Variants in PPP2CA observed in about 807,000 individuals in gnomAD.
PPP2CA encodes serine/threonine-protein phosphatase 2A catalytic subunit alpha isoform.
In PPP2CA, 5 loss-of-function variants were observed where a neutral mutation model predicts 38.8. That is an observed-to-expected ratio of 0.13 (90% CI 0.07 to 0.27). The LOEUF (loss-of-function observed/expected upper bound fraction) is 0.27. Among genes scored for constraint, PPP2CA ranks in the 10% least tolerant of loss-of-function variants. The pLI, the probability that PPP2CA is intolerant of heterozygous loss-of-function variation, is 1.00. For synonymous variants in PPP2CA, 152 were observed against 134.0 expected, an observed-to-expected ratio of 1.13 and a Z score of -0.93; for missense variants, 88 against 389.7, an observed-to-expected ratio of 0.23 and a Z score of 6.52.
intron 2 of PPP2CA, 21 bp downstream of exon 2, chr5:134,205,901 C>T: frequency 6.3e-7 from 1 of 1,597,924 alleles, no homozygotes; most frequent in Non-Finnish European, 8.6e-7. Flanking sequence ...TCAACATGCC[C>T]CAACATAAAA....
At chr5:134,204,319 C>T (rs1351098601) in intron 2 of PPP2CA, among the ~76,000 whole-genome samples, 2 of 152,224 alleles carry the variant, frequency 1.3e-5, no homozygotes, top group South Asian at 2.1e-4. Flanking sequence ...AAGGGAAAGG[C>T]GGAAGCCTGC....
At chr5:134,225,665 C>A in intron 1 of PPP2CA, 95 bp downstream of exon 1, 1 of 1,138,684 alleles carries the variant, frequency 8.8e-7, no homozygotes, top group Admixed American at 2.5e-5. Flanking sequence ...GGGCCCGGAC[C>A]GGCGGCCTCC....
chr5:134,205,767 G>A lies in PPP2CA; in HGVS notation c.312+155C>T, dbSNP rs913750921. ...CCATCCCCTTACTCAGAACGCAGAC[G>A]CCTATGATTTTTAAGTCCAAAACCT... is the stretch of plus-strand genomic sequence containing the variant. On this transcript the variant is annotated intron_variant, in intron 2 of 6. Coordinates refer to ENST00000481195, the MANE Select transcript of PPP2CA (RefSeq NM_002715.4). The A allele has an allele frequency of 1.7e-4, 104 of 617,068 alleles. 1 individual carries two copies. Among genetic ancestry groups the A allele is most frequent in the South Asian group, 1.3e-3 (67 of 50,752 alleles). The allele number at this position is 617,068 out of a possible 1,614,324, so 38.2% of individuals were successfully genotyped here.
intron 1 of PPP2CA, among the ~76,000 whole-genome samples, chr5:134,219,325 G>A (rs1292158504): frequency 1.3e-5 from 2 of 152,208 alleles, no homozygotes; most frequent in Admixed American, 6.5e-5. Context: ...ATTAAATACT[G>A]GTTCCAAAAT....
chr5:134,205,844 AAAT>A, intron 2 of PPP2CA, 75 bp downstream of exon 2: 1 of 1,266,460 alleles, frequency 7.9e-7, no homozygotes, highest in South Asian at 1.3e-5. Flanking sequence ...CAGATAGAGA[AAAT>A]AACTGGGGGA....
chr5:134,198,597 G>A (rs909403488), intron 6 of PPP2CA, among the ~76,000 whole-genome samples: 2 of 151,840 alleles, frequency 1.3e-5, no homozygotes, highest in East Asian at 1.9e-4. Flanking sequence ...ACGAAGTCTC[G>A]CTCTGTTGCC....
chr5:134,194,427 A>G lies in PPP2CA; in HGVS notation c.*3345T>C, dbSNP rs1327129689. 6.6e-6 allele frequency: 1 copy of G among 152,242 alleles called. No homozygotes were observed. Among genetic ancestry groups the G allele is most frequent in the Non-Finnish European group, 1.5e-5 (1 of 68,038 alleles). The allele number at this position is 152,242 out of a possible 1,614,324, so 9.4% of individuals were successfully genotyped here. A position where few individuals can be genotyped will look rare whatever the true frequency, so the allele number is the denominator to read the frequency against. On this transcript the variant is annotated 3_prime_UTR_variant, in exon 7 of 7. Transcript: ENST00000481195. The stretch of plus-strand genomic sequence containing the variant: ...GCCTATTACCAAACTATAGGTTACT[A>G]AACTATAGGCCCATTTCTAAGAACA...
chr5:134,220,353 G>C (rs1762409149), intron 1 of PPP2CA, among the ~76,000 whole-genome samples: 1 of 149,992 alleles, frequency 6.7e-6, no homozygotes, highest in South Asian at 2.1e-4. Flanking sequence ...CAACTATTTG[G>C]GAGGCTGAGG....
chr5:134,212,772 G>A lies in PPP2CA; in HGVS notation c.103-6641C>T, dbSNP rs76030781. Among the ~76,000 whole-genome samples the A allele has an allele frequency of 5.9e-5, 9 of 152,320 alleles. No homozygotes were observed. In the South Asian group the frequency reaches 1.9e-3, roughly 32 times the overall value. On this transcript the variant is annotated intron_variant, in intron 1 of 6. Transcript: ENST00000481195. ...ACTTCAGTGAACACACAAATAGTAAGTAAGCCAAACAGTCTTATTGCAGAT... is the reference window on the plus strand; with the variant it reads ...ACTTCAGTGAACACACAAATAGTAAATAAGCCAAACAGTCTTATTGCAGAT...
chr5:134,217,438 T>C (rs1370745093), intron 1 of PPP2CA, among the ~76,000 whole-genome samples: 1 of 152,244 alleles, frequency 6.6e-6, no homozygotes, highest in Admixed American at 6.5e-5. Flanking sequence ...CAATTAATTT[T>C]TGAATTTTAT....
intron 1 of PPP2CA, among the ~76,000 whole-genome samples, chr5:134,216,440 T>C (rs984553031): frequency 2.7e-5 from 4 of 148,980 alleles, no homozygotes; most frequent in African/African-American, 1.0e-4. Context: ...CTCAGGAGGC[T>C]GAAGCTGGAG....
intron 1 of PPP2CA, among the ~76,000 whole-genome samples, chr5:134,223,344 C>T (rs1762487761): frequency 1.3e-5 from 2 of 152,132 alleles, no homozygotes; most frequent in South Asian, 4.1e-4. Flanking sequence ...ACTAGAAAGA[C>T]TTGTACAAAA....
intron 1 of PPP2CA, among the ~76,000 whole-genome samples, chr5:134,224,652 T>C (rs537880627): frequency 8.7e-4 from 132 of 152,390 alleles, no homozygotes; most frequent in African/African-American, 2.9e-3. Context: ...TTGTGTACTT[T>C]AGAAAACTGA....
intron 1 of PPP2CA, among the ~76,000 whole-genome samples, chr5:134,214,148 T>TAA (rs961762168): frequency 1.3e-5 from 2 of 149,670 alleles, no homozygotes; most frequent in East Asian, 2.0e-4. Flanking sequence ...AAAAAAAGGC[T>TAA]AAAAAAAAAA....
In PPP2CA at chr5:134,196,275, A is replaced by C. The variant is rs370980000; in HGVS notation, c.*1497T>G. ...GATTCAACACAGCACAAAGCAAGAA[A>C]ACTTTTATTTACTACACTCACAAGT... On this transcript the variant is annotated 3_prime_UTR_variant, in exon 7 of 7. Transcript: ENST00000481195. 1 of 152,190 alleles carries C rather than the reference A, an allele frequency of 6.6e-6. No individual in the cohort carries two copies. Among genetic ancestry groups the C allele is most frequent in the East Asian group, 1.9e-4 (1 of 5,202 alleles). The allele number at this position is 152,190 out of a possible 1,614,324, so 9.4% of individuals were successfully genotyped here.
At chr5:134,224,364 T>C (rs1370688196) in intron 1 of PPP2CA, 1 of 447,382 alleles carries the variant, frequency 2.2e-6, no homozygotes, top group Non-Finnish European at 4.4e-6. Flanking sequence ...AGTAGTTTTG[T>C]TCAGGCTTGG....
At chr5:134,206,180 A>G in intron 1 of PPP2CA, 49 bp from the exon 2 acceptor site, 1 of 1,478,200 alleles carries the variant, frequency 6.8e-7, no homozygotes, top group Non-Finnish European at 9.4e-7. Context: ...ATTAAACAAT[A>G]TTAACAAAGA....
At chr5:134,220,151 A>C (rs953062330) in intron 1 of PPP2CA, among the ~76,000 whole-genome samples, 9 of 151,858 alleles carry the variant, frequency 5.9e-5, no homozygotes, top group Non-Finnish European at 1.3e-4. Flanking sequence ...AGAAGCCAAA[A>C]GAAAATCTAT....
chr5:134,216,373 C>T (rs1402326319), intron 1 of PPP2CA, among the ~76,000 whole-genome samples: 1 of 151,394 alleles, frequency 6.6e-6, no homozygotes, highest in Non-Finnish European at 1.5e-5. Context: ...ACCCCCTCCC[C>T]TACTAAAAAT....
Sources: gnomAD v4.1 joint callset for allele counts (sites outside exome capture counted in the v4.1 genomes callset) on GRCh38, gnomAD v4.1.1 for gene constraint, MANE v1.5 for transcripts, NCBI Gene and HGNC (gene_info 2026-07-23, HGNC 2026-07-21) for gene names.